LUZP2: variants seen among roughly 807,000 people sequenced by gnomAD.
LUZP2 encodes leucine zipper protein 2.
A neutral mutation model predicts 51.6 loss-of-function variants in LUZP2; 52 were observed. The ratio of observed to expected loss-of-function variants is 1.01; its 90% confidence interval spans 0.81 to 1.27. The LOEUF is 1.27. Ranked by LOEUF, LUZP2 falls within the 50% of genes most tolerant of loss-of-function variation. LUZP2 has a pLI of 0.00. For missense variants in LUZP2, 436 were observed against 395.4 expected (o/e 1.10, Z -0.87); for synonymous variants, 154 against 137.3 (o/e 1.12, Z -0.85).
intron 1 of LUZP2, among the ~76,000 whole-genome samples, chr11:24,723,221 A>G (rs533462884): frequency 6.6e-6 from 1 of 152,306 alleles, no homozygotes; most frequent in East Asian, 1.9e-4. Context: ...AAAAACAAGT[A>G]CTAATGATAC....
Position 24,926,345 on chromosome 11 carries a change from GTA to G in LUZP2, c.522+11816_522+11817del, listed in dbSNP as rs752623200. ...CGTGTGTGTATATATATATACGTGT[GTA>G]TATATATACGTGTGTATATATATAT... On this transcript the variant is annotated intron_variant, in intron 7 of 11. Transcript: ENST00000336930. Among the ~76,000 whole-genome samples the G allele has an allele frequency of 5.8e-4, 26 of 44,958 alleles. 2 individuals are homozygous for G. Among genetic ancestry groups the G allele is most frequent in the Admixed American group, 2.2e-3 (8 of 3,690 alleles). The allele number at this position is 44,958 out of a possible 152,430, so 29.5% of individuals were successfully genotyped here.
intron 5 of LUZP2, among the ~76,000 whole-genome samples, chr11:24,790,289 AT>A (rs1227700783): frequency 6.6e-6 from 1 of 152,090 alleles, no homozygotes; most frequent in African/African-American, 2.4e-5. Flanking sequence ...AAAAAAATAC[AT>A]TTTTTCTGTT....
intron 9 of LUZP2, among the ~76,000 whole-genome samples, chr11:25,037,585 G>A (rs530376427): frequency 6.6e-6 from 1 of 152,202 alleles, no homozygotes; most frequent in African/African-American, 2.4e-5. Flanking sequence ...GTGTTTTTGT[G>A]GTGGCAGGTG....
chr11:24,995,793 T>C (rs540709193), intron 9 of LUZP2, among the ~76,000 whole-genome samples: 122 of 152,170 alleles, frequency 8.0e-4, no homozygotes, highest in African/African-American at 2.8e-3. Flanking sequence ...CAATTCACAA[T>C]TGAAAGGTCA....
chr11:25,022,289 C>T (rs1857359407), intron 9 of LUZP2, among the ~76,000 whole-genome samples: 1 of 152,036 alleles, frequency 6.6e-6, no homozygotes, highest in South Asian at 2.1e-4. Context: ...TGTAGTTCAT[C>T]CACCAGACTG....
At chr11:24,933,532 G>GT (rs1854512066) in intron 7 of LUZP2, among the ~76,000 whole-genome samples, 2 of 152,260 alleles carry the variant, frequency 1.3e-5, no homozygotes, top group African/African-American at 2.4e-5. Context: ...TGAGAAAATT[G>GT]TTTTTTCTAT....
At chr11:24,786,764 TG>T (rs1473965940) in intron 5 of LUZP2, 3 of 149,730 alleles carry the variant, frequency 2.0e-5, no homozygotes, top group Non-Finnish European at 4.5e-5. Context: ...TTCCCACCTT[TG>T]TTTTAATGAT....
At chr11:25,029,011 T>C (rs75911377) in intron 9 of LUZP2, among the ~76,000 whole-genome samples, 8 of 152,182 alleles carry the variant, frequency 5.3e-5, no homozygotes, top group African/African-American at 1.9e-4. Flanking sequence ...TCTCACATAT[T>C]TGTGGGATCT....
intron 5 of LUZP2, among the ~76,000 whole-genome samples, chr11:24,843,198 G>A (rs965452653): frequency 6.6e-6 from 1 of 151,872 alleles, no homozygotes; most frequent in African/African-American, 2.4e-5. Flanking sequence ...TGATTTAACA[G>A]AGCCATTAAA....
chr11:24,581,555 C>T (rs1421466899), intron 1 of LUZP2, among the ~76,000 whole-genome samples: 1 of 151,858 alleles, frequency 6.6e-6, no homozygotes, highest in Non-Finnish European at 1.5e-5. Flanking sequence ...CTTGCAATCG[C>T]AGATACTCAG....
At chr11:24,663,193 G>A (rs1439640104) in intron 1 of LUZP2, among the ~76,000 whole-genome samples, 1 of 152,110 alleles carries the variant, frequency 6.6e-6, no homozygotes, top group Non-Finnish European at 1.5e-5. Flanking sequence ...ATTGGAGGAG[G>A]GCTCTGGTGG....
chr11:24,973,191 C>A (rs938671106), intron 7 of LUZP2, among the ~76,000 whole-genome samples: 1 of 150,308 alleles, frequency 6.7e-6, no homozygotes, highest in Non-Finnish European at 1.5e-5. Context: ...TTTCTAGGAA[C>A]TTATTCATTT....
chr11:25,070,808 TGTGTGTG>T, intron 10 of LUZP2, among the ~76,000 whole-genome samples: 1 of 148,820 alleles, frequency 6.7e-6, no homozygotes, highest in East Asian at 2.0e-4. Flanking sequence ...TGTGTGTGTG[TGTGTGTG>T]TTACTGAAGG....
intron 5 of LUZP2, among the ~76,000 whole-genome samples, chr11:24,826,718 T>C (rs1327952818): frequency 6.6e-6 from 1 of 152,176 alleles, no homozygotes; most frequent in Non-Finnish European, 1.5e-5. Context: ...GAAGATATAC[T>C]GCAGTGAATA....
At chr11:24,522,966 T>C (rs1326791327) in intron 1 of LUZP2, among the ~76,000 whole-genome samples, 1 of 152,048 alleles carries the variant, frequency 6.6e-6, no homozygotes, top group African/African-American at 2.4e-5. Context: ...CACTAACCCA[T>C]ATGGTAATAT....
At chr11:24,498,661 C>G (rs1318463775) in intron 1 of LUZP2, among the ~76,000 whole-genome samples, 1 of 152,172 alleles carries the variant, frequency 6.6e-6, no homozygotes. Context: ...ATTAGTTGCT[C>G]TAAATACAGA....
At chr11:24,924,048 G>GC (rs1425618283) in intron 7 of LUZP2, among the ~76,000 whole-genome samples, 6 of 150,908 alleles carry the variant, frequency 4.0e-5, no homozygotes, top group Non-Finnish European at 5.9e-5. Flanking sequence ...GCAACTGCTT[G>GC]CCCCCCCACA....
chr11:24,541,563 G>A (rs1851365160), intron 1 of LUZP2, among the ~76,000 whole-genome samples: 1 of 152,042 alleles, frequency 6.6e-6, no homozygotes, highest in Non-Finnish European at 1.5e-5. Flanking sequence ...TAATGTGTAT[G>A]GATGTTTTGT....
chr11:24,844,126 G>A (rs191622266), intron 5 of LUZP2, among the ~76,000 whole-genome samples: 22 of 152,232 alleles, frequency 1.4e-4, no homozygotes, highest in African/African-American at 5.1e-4. Flanking sequence ...AGAAGAAGGT[G>A]GAAAAATGTG....
Sources: allele counts gnomAD v4.1 joint callset (sites outside exome capture counted in the v4.1 genomes callset), GRCh38; gene constraint gnomAD v4.1.1; transcripts MANE v1.5; gene names NCBI Gene and HGNC (gene_info 2026-07-23, HGNC 2026-07-21).